The following CDH18 variants were observed in gnomAD, a reference collection of about 807,000 sequenced individuals.
CDH18 encodes cadherin 18.
A neutral mutation model predicts 67.9 loss-of-function variants in CDH18; 31 were observed. The observed-to-expected ratio is 0.46, with a 90% CI of 0.34 to 0.62. The LOEUF (loss-of-function observed/expected upper bound fraction) is 0.62, where lower values mean the gene tolerates loss of function less well. CDH18 is among the 20% of genes least tolerant of loss of function. CDH18 has a pLI of 0.01. For synonymous variants in CDH18, 362 were observed against 347.2 expected, an observed-to-expected ratio of 1.04 and a Z score of -0.48; for missense variants, 890 against 975.5, an observed-to-expected ratio of 0.91 and a Z score of 1.17.
chr5:20,117,375 A>G (rs1166086949), intron 2 of CDH18, among the ~76,000 whole-genome samples: 1 of 152,154 alleles, frequency 6.6e-6, no homozygotes, highest in Non-Finnish European at 1.5e-5. Context: ...AATTCTAAGA[A>G]GCAACTTCAA....
chr5:19,792,898 C>T (rs77015050), intron 3 of CDH18, among the ~76,000 whole-genome samples: 3,503 of 152,198 alleles, frequency 0.023, 89 homozygotes, highest in African/African-American at 0.069. Flanking sequence ...GTTATTTAGA[C>T]GACTAGGCAC....
intron 2 of CDH18, among the ~76,000 whole-genome samples, chr5:20,211,939 T>G (rs575220148): frequency 6.6e-6 from 1 of 152,114 alleles, no homozygotes; most frequent in South Asian, 2.1e-4. Context: ...CTTTGACGAG[T>G]TGACAAAAGT....
At chr5:19,701,339 T>C (rs1321934530) in intron 5 of CDH18, among the ~76,000 whole-genome samples, 5 of 152,154 alleles carry the variant, frequency 3.3e-5, no homozygotes, top group Non-Finnish European at 7.4e-5. Flanking sequence ...TTCATATTTC[T>C]CTGCATAGTA....
At chr5:19,587,596 G>A (rs1418619798) in intron 7 of CDH18, among the ~76,000 whole-genome samples, 1 of 150,816 alleles carries the variant, frequency 6.6e-6, no homozygotes, top group Non-Finnish European at 1.5e-5. Flanking sequence ...AGATCAGATA[G>A]TGGTAAGTAT....
chr5:20,562,053 A>G (rs1265244038), intron 1 of CDH18, among the ~76,000 whole-genome samples: 1 of 151,980 alleles, frequency 6.6e-6, no homozygotes, highest in Non-Finnish European at 1.5e-5. Context: ...AAGGTATTAC[A>G]ATAAAAATTT....
chr5:20,409,671 C>G (rs1746600420), intron 1 of CDH18, among the ~76,000 whole-genome samples: 1 of 150,320 alleles, frequency 6.7e-6, no homozygotes, highest in Non-Finnish European at 1.5e-5. Flanking sequence ...AGAAATAAAG[C>G]CAATAGAGAA....
rs1346826783 is a variant in CDH18 at position 20,499,419 on chromosome 5, C to T, written c.-580+76043G>A. ...TTTTTTATTCTTTTCTAAATATTTT[C>T]ACTTCAAGGTTGATTGAATCTGCAG... On this transcript the variant is annotated intron_variant, in intron 1 of 14. Coordinates refer to the CDH18 transcript ENST00000507958. Among the ~76,000 whole-genome samples, 4 of 151,350 alleles carry T rather than the reference C, an allele frequency of 2.6e-5. No individual in the cohort carries two copies. In the East Asian group the frequency reaches 7.8e-4, roughly 29 times the overall value.
chr5:20,031,293 G>T lies in CDH18; in HGVS notation c.-517-39279C>A, dbSNP rs75782611. On this transcript the variant is annotated intron_variant, in intron 2 of 14. Transcript: ENST00000507958. ...AGGATTCTTTAGCATATACTGGGAA[G>T]AAAAGATAGACTTGAAAAAGTAGTG... Among the ~76,000 whole-genome samples the T allele has an allele frequency of 0.012, 1,816 of 152,200 alleles. 167 individuals carry two copies. The East Asian group carries it at 0.25, about 21-fold the overall frequency.
chr5:19,687,250 C>A (rs1227708568), intron 5 of CDH18, among the ~76,000 whole-genome samples: 1 of 152,136 alleles, frequency 6.6e-6, no homozygotes. Flanking sequence ...CACTTGGTCC[C>A]ACACACCTGC....
At chr5:20,096,130 G>A (rs4327602) in intron 2 of CDH18, among the ~76,000 whole-genome samples, 150,024 of 152,248 alleles carry the variant, frequency 0.99, 73,971 homozygotes, top group Middle Eastern at 1. Context: ...AAGAACATCA[G>A]GTCAACCAGC....
chr5:20,517,481 T>A (rs564084580), intron 1 of CDH18, among the ~76,000 whole-genome samples: 23 of 152,002 alleles, frequency 1.5e-4, no homozygotes, highest in African/African-American at 4.6e-4. Flanking sequence ...ATTACTTAAT[T>A]TCCTTGACCA....
intron 3 of CDH18, among the ~76,000 whole-genome samples, chr5:19,777,492 C>A (rs998137626): frequency 6.6e-6 from 1 of 152,106 alleles, no homozygotes; most frequent in Non-Finnish European, 1.5e-5. Flanking sequence ...TAACCTGAGA[C>A]AACCAACAGA....
At chr5:20,404,812 T>C (rs1048020223) in intron 1 of CDH18, among the ~76,000 whole-genome samples, 28 of 152,148 alleles carry the variant, frequency 1.8e-4, no homozygotes, top group African/African-American at 6.5e-4. Context: ...AGGGTTGCTA[T>C]AAACCTTACA....
chr5:20,147,019 C>T (rs1272407966), intron 2 of CDH18, among the ~76,000 whole-genome samples: 1 of 151,950 alleles, frequency 6.6e-6, no homozygotes, highest in Non-Finnish European at 1.5e-5. Context: ...ATAGGGCTTA[C>T]TTCTAAGAGG....
chr5:19,502,477 T>C (rs546549671), intron 11 of CDH18, among the ~76,000 whole-genome samples: 6 of 152,252 alleles, frequency 3.9e-5, no homozygotes, highest in Non-Finnish European at 7.4e-5. Context: ...TGAAAATGAT[T>C]CAAAAATTTC....
chr5:20,533,911 C>T (rs1050773597), intron 1 of CDH18, among the ~76,000 whole-genome samples: 4 of 151,796 alleles, frequency 2.6e-5, no homozygotes, highest in Non-Finnish European at 5.9e-5. Flanking sequence ...AAGTTCATAT[C>T]GATATTGTTA....
chr5:20,517,734 T>C (rs763377584), intron 1 of CDH18, among the ~76,000 whole-genome samples: 14 of 152,080 alleles, frequency 9.2e-5, no homozygotes, highest in Non-Finnish European at 1.9e-4. Context: ...GCTAAGTAGT[T>C]TACAATTTGT....
At chr5:20,484,314 T>C (rs1157309556) in intron 1 of CDH18, among the ~76,000 whole-genome samples, 1 of 152,070 alleles carries the variant, frequency 6.6e-6, no homozygotes, top group African/African-American at 2.4e-5. Context: ...AGAGAATCTT[T>C]GTACACTGTT....
At chr5:19,592,849 C>A (rs1223338985) in intron 6 of CDH18, among the ~76,000 whole-genome samples, 1 of 152,010 alleles carries the variant, frequency 6.6e-6, no homozygotes, top group African/African-American at 2.4e-5. Flanking sequence ...TCCCTGGTAA[C>A]AACCACTCCA....
Sources: allele counts gnomAD v4.1 joint callset (sites outside exome capture counted in the v4.1 genomes callset), GRCh38; gene constraint gnomAD v4.1.1; transcripts MANE v1.5; gene names NCBI Gene and HGNC (gene_info 2026-07-23, HGNC 2026-07-21).